Variants in NRXN2 observed in about 807,000 individuals in gnomAD.
The protein encoded by NRXN2 is neurexin 2, also known as neurexin-2-beta.
NRXN2 carries 29 observed loss-of-function variants against 128.8 expected under a neutral mutation model. That is an observed-to-expected ratio of 0.23 (90% CI 0.17 to 0.31). The LOEUF (loss-of-function observed/expected upper bound fraction) is 0.31. Ranked by LOEUF, NRXN2 falls within the 10% of genes least tolerant of loss-of-function variation. The probability of loss-of-function intolerance (pLI) is 1.00; values close to 1 mark genes in which losing one functional copy is unlikely to be tolerated. For synonymous variants in NRXN2, 1,098 were observed against 1,075.2 expected, an observed-to-expected ratio of 1.02 and a Z score of -0.41; for missense variants, 1,881 against 2,452.6, an observed-to-expected ratio of 0.77 and a Z score of 4.92.
At chr11:64,638,269 T>C (rs1369224999) in intron 17 of NRXN2, among the ~76,000 whole-genome samples, 1 of 152,234 alleles carries the variant, frequency 6.6e-6, no homozygotes, top group African/African-American at 2.4e-5. Context: ...TAAGGGCGTT[T>C]ATTACACTGT....
intron 2 of NRXN2, among the ~76,000 whole-genome samples, chr11:64,701,933 GCC>G (rs1285622404): frequency 7.2e-6 from 1 of 139,474 alleles, no homozygotes; most frequent in Non-Finnish European, 1.6e-5. Flanking sequence ...CCGGCCAGCC[GCC>G]CCGTCCAGGA....
At chr11:64,694,006 C>T (rs2054175934) in intron 3 of NRXN2, among the ~76,000 whole-genome samples, 1 of 152,174 alleles carries the variant, frequency 6.6e-6, no homozygotes, top group African/African-American at 2.4e-5. Context: ...CAGCCCTAAC[C>T]CAAAGTACCC....
Position 64,619,973 on chromosome 11 carries a change from C to T in NRXN2, c.4252+321G>A, listed in dbSNP as rs1002404025. 4.6e-5 allele frequency among the ~76,000 whole-genome samples: 7 copies of T among 152,136 alleles called. No homozygotes were observed. The East Asian group carries it at 1.3e-3, about 29-fold the overall frequency. On this transcript the variant is annotated intron_variant, in intron 22 of 22. Coordinates refer to ENST00000265459, the MANE Select transcript of NRXN2 (RefSeq NM_015080.4). ...GTTCCTAAGCCATGTTCACCCTCCC[C>T]CACCCCAGGGACTCATGGGAGCTGC...
At position 64,623,951 on chromosome 11, in the gene NRXN2, C is replaced by T. The variant is rs924279998; in HGVS notation, c.3848-873G>A. The T allele has an allele frequency of 6.6e-5, 10 of 151,796 alleles. No individual in the cohort carries two copies. Among genetic ancestry groups the T allele is most frequent in the African/African-American group, 1.9e-4 (8 of 41,232 alleles). 9.4% of individuals were successfully genotyped at this position (151,796 alleles called of 1,614,324 possible). A position where few individuals can be genotyped will look rare whatever the true frequency, so the allele number is the denominator to read the frequency against. On this transcript the variant is annotated intron_variant, in intron 20 of 22. Transcript: ENST00000265459. This position sits in a 1 kb window ranked among gnomAD's most constrained non-coding sequence, Gnocchi z 4.9. Reference sequence around the variant, plus strand: ...GTTTGTTTTTAGTGGATCTGGGGGTCGGTTTAACCCTCTGAGTTTGTTGTT... The same window carrying T: ...GTTTGTTTTTAGTGGATCTGGGGGTTGGTTTAACCCTCTGAGTTTGTTGTT...
Position 64,630,621 on chromosome 11 carries a change from A to C in NRXN2, c.3586-48T>G. 1 of 1,608,726 alleles carries C rather than the reference A, an allele frequency of 6.2e-7. No individual in the cohort carries two copies. The highest frequency in any genetic ancestry group is 8.5e-7 in the Non-Finnish European group (1 of 1,176,786). ...CAGCGACCAGAGGGAGCAACCATTC[A>C]TCCCTTCTAGTGGCTACTCCTGTGA... On this transcript the variant is annotated intron_variant, in intron 18 of 22. Coordinates refer to ENST00000265459, the MANE Select transcript of NRXN2 (RefSeq NM_015080.4). The surrounding 1 kb of genome is among the most constrained non-coding windows in gnomAD (Gnocchi z 4.6).
chr11:64,678,013 G>A (rs2051597916), intron 6 of NRXN2, among the ~76,000 whole-genome samples: 1 of 152,140 alleles, frequency 6.6e-6, no homozygotes, highest in Non-Finnish European at 1.5e-5. Flanking sequence ...GCATAGGAGG[G>A]GTCATGGATG....
At chr11:64,668,693 G>C in intron 7 of NRXN2, 89 bp from the exon 8 acceptor site, 4 of 1,472,562 alleles carry the variant, frequency 2.7e-6, no homozygotes, top group Non-Finnish European at 3.8e-6. Flanking sequence ...GGAGGGGCCA[G>C]AGGGCAGCAG....
In NRXN2 at chr11:64,649,989, A is replaced by G. The variant is rs560496504; in HGVS notation, c.3109+459T>C. ...CACACCAGGGAAGCCTAGGTCCAAA[A>G]TGTCCCCAAGCTAGCCCAGCCGATG... On this transcript the variant is annotated intron_variant, in intron 15 of 22. Coordinates refer to ENST00000265459, the MANE Select transcript of NRXN2 (RefSeq NM_015080.4). Among the ~76,000 whole-genome samples the G allele has an allele frequency of 3.9e-5, 6 of 151,928 alleles. 1 individual carries two copies. The South Asian group carries it at 1.3e-3, about 32-fold the overall frequency.
intron 17 of NRXN2, among the ~76,000 whole-genome samples, chr11:64,636,005 C>G (rs1399965876): frequency 1.3e-5 from 2 of 151,938 alleles, no homozygotes. Context: ...CCTGGCTTGC[C>G]CAGGACTCCC....
intron 22 of NRXN2, among the ~76,000 whole-genome samples, chr11:64,610,376 A>G (rs2040430320): frequency 6.6e-6 from 1 of 152,178 alleles, no homozygotes; most frequent in African/African-American, 2.4e-5. Flanking sequence ...GGACTTCCCA[A>G]GATCACCAGG....
chr11:64,712,155 A>T (rs1213627000), intron 2 of NRXN2, among the ~76,000 whole-genome samples: 2 of 136,788 alleles, frequency 1.5e-5, no homozygotes, highest in Non-Finnish European at 3.2e-5. Flanking sequence ...GCCTTTCCAC[A>T]CAGGCCCCAC....
chr11:64,714,367 ACT>A lies in NRXN2; in HGVS notation c.-244-426_-244-425del, dbSNP rs1236053063. Among the ~76,000 whole-genome samples, 3 of 152,084 alleles carry A rather than the reference ACT, an allele frequency of 2.0e-5. No individual in the cohort carries two copies. Among genetic ancestry groups the A allele is most frequent in the African/African-American group, 7.2e-5 (3 of 41,394 alleles). On this transcript the variant is annotated intron_variant, in intron 1 of 22. Transcript: ENST00000265459. The surrounding 1 kb of genome is among the most constrained non-coding windows in gnomAD (Gnocchi z 4.5). Reference sequence around the variant, plus strand: ...CTCTGCCTGGCTCCCACCTCCAGCCACTGTTCCTCTCATCAGCTCTTGATACT... The same window carrying A: ...CTCTGCCTGGCTCCCACCTCCAGCCAGTTCCTCTCATCAGCTCTTGATACT...
intron 6 of NRXN2, among the ~76,000 whole-genome samples, chr11:64,681,013 C>T (rs1311864002): frequency 6.7e-6 from 1 of 149,898 alleles, no homozygotes; most frequent in Admixed American, 6.7e-5. Context: ...AGGAGAATCA[C>T]TTGAACCTGG....
chr11:64,719,442 G>A (rs1055550975), intron 1 of NRXN2, among the ~76,000 whole-genome samples: 24 of 152,232 alleles, frequency 1.6e-4, no homozygotes, highest in Non-Finnish European at 3.1e-4. Flanking sequence ...CTAAAGATAA[G>A]TCGGAGTCCC....
intron 20 of NRXN2, among the ~76,000 whole-genome samples, chr11:64,624,337 G>T (rs1279367289): frequency 6.6e-6 from 1 of 152,180 alleles, no homozygotes; most frequent in East Asian, 1.9e-4. Flanking sequence ...AGCCAATGAT[G>T]GCCACTGGGG....
intron 22 of NRXN2, among the ~76,000 whole-genome samples, chr11:64,610,799 C>T (rs1214456194): frequency 6.6e-6 from 1 of 152,162 alleles, no homozygotes; most frequent in Admixed American, 6.5e-5. Flanking sequence ...GGCAGCCTCT[C>T]GAGCGGTCGT....
At chr11:64,654,851 C>CACT (rs1591837436) in intron 11 of NRXN2, among the ~76,000 whole-genome samples, 1 of 152,220 alleles carries the variant, frequency 6.6e-6, no homozygotes, top group East Asian at 1.9e-4. Context: ...CCCTAACACT[C>CACT]ACTAACTCAC....
chr11:64,618,534 G>C (rs1016450971), intron 22 of NRXN2, among the ~76,000 whole-genome samples: 2 of 152,148 alleles, frequency 1.3e-5, no homozygotes. Flanking sequence ...AGCAGGCCTG[G>C]GCTAGCAGTG....
intron 2 of NRXN2, chr11:64,712,607 A>C (rs1592301881): frequency 2.3e-6 from 1 of 427,402 alleles, no homozygotes; most frequent in Admixed American, 2.7e-5. Flanking sequence ...GTCCACGCAG[A>C]CCCCCACCCA....
Sources: allele counts gnomAD v4.1 joint callset (sites outside exome capture counted in the v4.1 genomes callset), GRCh38; gene constraint gnomAD v4.1.1; non-coding constraint Gnocchi (gnomAD v3.1); transcripts MANE v1.5; gene names NCBI Gene and HGNC (gene_info 2026-07-23, HGNC 2026-07-21).